The following DST variants were observed in gnomAD, a reference collection of about 807,000 sequenced individuals.
DST encodes the protein dystonin, also known as bullous pemphigoid antigen.
DST carries 253 observed loss-of-function variants against 875.2 expected under a neutral mutation model. The observed-to-expected ratio is 0.29, with a 90% CI of 0.26 to 0.32. The LOEUF (loss-of-function observed/expected upper bound fraction) is 0.32. Among genes scored for constraint, DST ranks in the 10% least tolerant of loss-of-function variants. The pLI, the probability that DST is intolerant of heterozygous loss-of-function variation, is 1.00. For synonymous variants in DST, 3,124 were observed against 3,197.1 expected, an observed-to-expected ratio of 0.98 and a Z score of 0.77; for missense variants, 8,287 against 9,111.6, an observed-to-expected ratio of 0.91 and a Z score of 3.68.
At chr6:56,585,572 G>A (rs2098130142) in intron 49 of DST, among the ~76,000 whole-genome samples, 1 of 151,968 alleles carries the variant, frequency 6.6e-6, no homozygotes, top group Non-Finnish European at 1.5e-5. Flanking sequence ...TCTTTTGAAG[G>A]GTTCTTTGTG....
At chr6:56,546,828 G>A (rs1167676858) in intron 61 of DST, among the ~76,000 whole-genome samples, 1 of 152,110 alleles carries the variant, frequency 6.6e-6, no homozygotes, top group African/African-American at 2.4e-5. Flanking sequence ...AATACATTAT[G>A]AAGGTTTCCT....
chr6:56,659,389 ACTAAG>A (rs2099027079), intron 10 of DST, among the ~76,000 whole-genome samples: 1 of 152,238 alleles, frequency 6.6e-6, no homozygotes, highest in Non-Finnish European at 1.5e-5. Flanking sequence ...TACAGAGGGA[ACTAAG>A]CAGGAGCAGA....
intron 97 of DST, 22 bp from the exon 98 acceptor site, chr6:56,469,021 AG>A: frequency 6.4e-7 from 1 of 1,562,948 alleles, no homozygotes; most frequent in Non-Finnish European, 8.7e-7. Context: ...GAAAAATGGA[AG>A]AAAGACACAA....
intron 4 of DST, among the ~76,000 whole-genome samples, chr6:56,759,308 A>G (rs2152960378): frequency 6.6e-6 from 1 of 152,162 alleles, no homozygotes; most frequent in South Asian, 2.1e-4. Context: ...AAAATTAGCC[A>G]GGCATGGTGG....
chr6:56,596,329 G>A (rs2098386487), intron 47 of DST, among the ~76,000 whole-genome samples: 1 of 152,092 alleles, frequency 6.6e-6, no homozygotes, highest in Non-Finnish European at 1.5e-5. Context: ...GCCTGGCCCA[G>A]ATTAGGATTT....
chr6:56,469,833 T>C, intron 97 of DST, 50 bp downstream of exon 97: 2 of 1,475,208 alleles, frequency 1.4e-6, no homozygotes, highest in East Asian at 2.3e-5. Flanking sequence ...TGTATACAGA[T>C]TTCAATTTAT....
rs1382944574 is a variant in DST, at chr6:56,930,685, C to T, written c.216+23100G>A. On this transcript the variant is annotated intron_variant, in intron 2 of 103. Coordinates refer to ENST00000680361, the MANE Select transcript of DST (RefSeq NM_001374736.1). The stretch of plus-strand genomic sequence containing the variant: ...TTATATCTTTATCTGAAGTGAATTG[C>T]TATATAAGACCTAATTTCCCATCAC... Among the ~76,000 whole-genome samples the T allele has an allele frequency of 2.6e-5, 4 of 152,084 alleles. No homozygotes were observed. In the East Asian group the frequency reaches 7.7e-4, roughly 29 times the overall value.
chr6:56,563,878 A>T (rs1467774647), intron 55 of DST, among the ~76,000 whole-genome samples: 2 of 152,142 alleles, frequency 1.3e-5, no homozygotes, highest in Admixed American at 6.5e-5. Context: ...CAAAGATCAG[A>T]TAGTTGCGGA....
intron 3 of DST, among the ~76,000 whole-genome samples, chr6:56,867,180 A>T (rs1223888127): frequency 6.6e-6 from 1 of 152,156 alleles, no homozygotes; most frequent in Non-Finnish European, 1.5e-5. Flanking sequence ...CAGCTTCACT[A>T]CTTATTAGCT....
chr6:56,879,278 C>T (rs901204757), intron 3 of DST, among the ~76,000 whole-genome samples: 2 of 152,008 alleles, frequency 1.3e-5, no homozygotes, highest in Non-Finnish European at 2.9e-5. Context: ...ACCATCCTGG[C>T]TAACACGGTG....
intron 8 of DST, among the ~76,000 whole-genome samples, chr6:56,701,479 A>G (rs929280548): frequency 6.6e-6 from 1 of 151,594 alleles, no homozygotes; most frequent in Non-Finnish European, 1.5e-5. Context: ...AGTATTATAT[A>G]AAGTATTTTT....
At chr6:56,529,080 C>A (rs1280404998) in intron 66 of DST, among the ~76,000 whole-genome samples, 155 bp from the exon 67 acceptor site, 1 of 152,084 alleles carries the variant, frequency 6.6e-6, no homozygotes, top group African/African-American at 2.4e-5. Flanking sequence ...CATGTTTAGA[C>A]CTCTTCTTTT....
rs1480721820 is a variant in DST, at chr6:56,459,177, T to C, written c.23285A>G (p.Asp7762Gly). Reference protein sequence around the residue: ...ASSRRGSDASDFDISEIQSVC... With the variant: ...ASSRRGSDASGFDISEIQSVC... ...GGACTGGATTTCTGAAATGTCAAAG[T>C]CTGATGCATCACTGCCTCGGCGGCT... The change falls in exon 104 of 104, where the codon GAC (aspartate) becomes GGC (glycine). Residue 7762 changes from aspartate (D) to glycine (G), a missense_variant. Asp to Gly is a moderately conservative substitution (Grantham distance 94). Coordinates refer to ENST00000680361, the MANE Select transcript of DST (RefSeq NM_001374736.1). The C allele has an allele frequency of 6.2e-7, 1 of 1,613,964 alleles. No individual in the cohort carries two copies.
rs79332451 is a variant in DST at position 56,725,933 on chromosome 6, T to A, written c.687+9295A>T. Among the ~76,000 whole-genome samples the A allele has an allele frequency of 7.9e-5, 12 of 152,246 alleles. 1 individual carries two copies. The highest frequency in any genetic ancestry group is 5.9e-4 in the Admixed American group (9 of 15,296). On this transcript the variant is annotated intron_variant, in intron 5 of 103. Transcript: ENST00000680361. ...GGATTTTCCAGGAGAGTTTTTTTTT[T>A]AATCACAAACAAGATTACTTGAAAT...
chr6:56,615,070 A>C, intron 36 of DST: 2 of 1,019,682 alleles, frequency 2.0e-6, no homozygotes, highest in Non-Finnish European at 2.4e-6. Flanking sequence ...AATCTAAAAC[A>C]CTGCAGCTTG....
intron 4 of DST, among the ~76,000 whole-genome samples, chr6:56,797,360 C>T (rs2099741155): frequency 6.6e-6 from 1 of 152,122 alleles, no homozygotes; most frequent in Non-Finnish European, 1.5e-5. Flanking sequence ...CTACAAGGGC[C>T]TCTATGTGTT....
intron 59 of DST, among the ~76,000 whole-genome samples, chr6:56,556,794 T>C (rs965640173): frequency 6.6e-6 from 1 of 152,184 alleles, no homozygotes; most frequent in African/African-American, 2.4e-5. Flanking sequence ...GTAACTAGAC[T>C]AGTCTAACTA....
At chr6:56,915,187 A>G (rs977991001) in intron 2 of DST, among the ~76,000 whole-genome samples, 2 of 152,262 alleles carry the variant, frequency 1.3e-5, no homozygotes, top group East Asian at 3.8e-4. Context: ...ACTCACAGAC[A>G]TTATCACTAG....
At chr6:56,495,463 A>C (rs188596746) in intron 82 of DST, among the ~76,000 whole-genome samples, 1 of 152,104 alleles carries the variant, frequency 6.6e-6, no homozygotes, top group Admixed American at 6.5e-5. Flanking sequence ...CTTTGCTTTC[A>C]AGTTCTTATA....
Sources: gnomAD v4.1 joint callset for allele counts (sites outside exome capture counted in the v4.1 genomes callset) on GRCh38, gnomAD v4.1.1 for gene constraint, MANE v1.5 for transcripts, NCBI Gene and HGNC (gene_info 2026-07-23, HGNC 2026-07-21) for gene names.